Variants in FAM227B observed in about 807,000 individuals in gnomAD.
FAM227B encodes protein FAM227B.
Under a neutral mutation model 73.8 loss-of-function variants are expected in FAM227B, and 88 were observed. That is an observed-to-expected ratio of 1.19 (90% CI 1.00 to 1.42). FAM227B has a LOEUF of 1.42. Among genes scored for constraint, FAM227B ranks in the 40% most tolerant of loss-of-function variants. FAM227B has a pLI of 0.00. For missense variants in FAM227B, 632 were observed against 590.9 expected (o/e 1.07, Z -0.72); for synonymous variants, 210 against 190.5 (o/e 1.10, Z -0.84).
chr15:49,477,058 T>C (rs1380078657), intron 11 of FAM227B, among the ~76,000 whole-genome samples: 4 of 96,070 alleles, frequency 4.2e-5, no homozygotes, highest in Non-Finnish European at 8.1e-5. Context: ...AGACTCTGTC[T>C]CGAAAAAAAA....
intron 8 of FAM227B, among the ~76,000 whole-genome samples, chr15:49,569,593 C>T (rs2074942736): frequency 6.6e-6 from 1 of 151,870 alleles, no homozygotes; most frequent in Non-Finnish European, 1.5e-5. Context: ...AATCAAGCTA[C>T]TTAATATATC....
At chr15:49,484,343 C>G (rs1409594042) in intron 11 of FAM227B, 1 of 1,589,934 alleles carries the variant, frequency 6.3e-7, no homozygotes, top group Non-Finnish European at 8.5e-7. Context: ...CTTCAAAGAA[C>G]TAATTCTGGA....
At chr15:49,329,227 G>GTATC (rs1469446783) in intron 15 of FAM227B, 1 of 985,998 alleles carries the variant, frequency 1.0e-6, no homozygotes. Flanking sequence ...GTATTGATGG[G>GTATC]TATCTCTGTA....
intron 11 of FAM227B, among the ~76,000 whole-genome samples, chr15:49,407,625 ATATG>A (rs961538943): frequency 1.5e-4 from 22 of 148,024 alleles, no homozygotes; most frequent in Admixed American, 3.4e-4. Context: ...GTACTAATAT[ATATG>A]TATTTAATAT....
intron 11 of FAM227B, among the ~76,000 whole-genome samples, chr15:49,389,276 G>A (rs2047060646): frequency 6.6e-6 from 1 of 151,950 alleles, no homozygotes; most frequent in Admixed American, 6.6e-5. Context: ...TAAAGAAAAT[G>A]TGGCACATAC....
intron 2 of FAM227B, among the ~76,000 whole-genome samples, chr15:49,614,306 A>C (rs2078146053): frequency 6.6e-6 from 1 of 152,180 alleles, no homozygotes; most frequent in African/African-American, 2.4e-5. Flanking sequence ...GATAATAATA[A>C]GACAAACTTG....
intron 12 of FAM227B, among the ~76,000 whole-genome samples, chr15:49,369,424 CT>C (rs2045645498): frequency 6.6e-6 from 1 of 152,058 alleles, no homozygotes; most frequent in Non-Finnish European, 1.5e-5. Context: ...TGAAACAAGA[CT>C]TTTATTGTCA....
At chr15:49,395,936 C>T (rs926666132) in intron 11 of FAM227B, 12 of 455,824 alleles carry the variant, frequency 2.6e-5, no homozygotes, top group Admixed American at 2.6e-4. Context: ...AATGCCATGT[C>T]CAAAGAACAG....
intron 11 of FAM227B, among the ~76,000 whole-genome samples, chr15:49,435,620 C>A (rs983421901): frequency 1.1e-4 from 16 of 151,430 alleles, no homozygotes; most frequent in Non-Finnish European, 1.9e-4. Flanking sequence ...AAGATTCTGG[C>A]CAAATTTGGT....
chr15:49,614,196 T>C (rs1392652046), intron 2 of FAM227B, among the ~76,000 whole-genome samples: 4 of 152,230 alleles, frequency 2.6e-5, no homozygotes, highest in Non-Finnish European at 5.9e-5. Flanking sequence ...AAAAATTCCA[T>C]GTTTCTTTTG....
intron 11 of FAM227B, among the ~76,000 whole-genome samples, chr15:49,483,632 A>T (rs1443439861): frequency 2.6e-5 from 4 of 152,020 alleles, no homozygotes; most frequent in Admixed American, 6.6e-5. Context: ...CTTGGGAAAA[A>T]ATCTTGAAAT....
chr15:49,372,919 T>C (rs1296910963), intron 11 of FAM227B, among the ~76,000 whole-genome samples: 1 of 152,120 alleles, frequency 6.6e-6, no homozygotes, highest in Admixed American at 6.6e-5. Context: ...AGCATTTATG[T>C]CCACCAGGGA....
chr15:49,350,586 T>C (rs12909779), intron 13 of FAM227B, among the ~76,000 whole-genome samples: 63,798 of 151,996 alleles, frequency 0.42, 13,532 homozygotes, highest in African/African-American at 0.45. Context: ...TCCACAAAAC[T>C]GAGCTTAAAA....
intron 3 of FAM227B, among the ~76,000 whole-genome samples, chr15:49,594,004 A>G (rs1464835548): frequency 3.9e-5 from 6 of 152,352 alleles, no homozygotes; most frequent in South Asian, 2.1e-4. Flanking sequence ...AGGAATCTCC[A>G]TACTGTTTTC....
intron 11 of FAM227B, among the ~76,000 whole-genome samples, chr15:49,403,426 G>A (rs529701007): frequency 2.6e-5 from 4 of 152,060 alleles, no homozygotes; most frequent in East Asian, 1.9e-4. Context: ...ATTTATTATC[G>A]CCTTAATTTC....
intron 10 of FAM227B, among the ~76,000 whole-genome samples, chr15:49,535,794 C>T (rs1163800802): frequency 6.6e-6 from 1 of 151,768 alleles, no homozygotes; most frequent in East Asian, 1.9e-4. Context: ...ATCATACCAA[C>T]ACAATCAGTT....
chr15:49,536,072 C>CCCTAAAAAAAA (rs2070195854), intron 10 of FAM227B, among the ~76,000 whole-genome samples: 1 of 114,012 alleles, frequency 8.8e-6, no homozygotes. Flanking sequence ...GGCAATCAGA[C>CCCTAAAAAAAA]AAAAAAAAAA....
chr15:49,329,639 G>A, intron 15 of FAM227B: 3 of 984,436 alleles, frequency 3.0e-6, no homozygotes, highest in Non-Finnish European at 3.6e-6. Context: ...GTAAATGCTT[G>A]AGAAAGCTTG....
chr15:49,547,395 C>T (rs2072084089), intron 9 of FAM227B, among the ~76,000 whole-genome samples: 1 of 150,470 alleles, frequency 6.6e-6, no homozygotes, highest in Non-Finnish European at 1.5e-5. Flanking sequence ...AACCAGCTAA[C>T]ATCAAAATGA....
Sources: gnomAD v4.1 joint callset for allele counts (sites outside exome capture counted in the v4.1 genomes callset) on GRCh38, gnomAD v4.1.1 for gene constraint, MANE v1.5 for transcripts, NCBI Gene and HGNC (gene_info 2026-07-23, HGNC 2026-07-21) for gene names.